Variants in BBOF1 observed in about 807,000 individuals in gnomAD.
The protein encoded by BBOF1 is basal body orientation factor 1.
In BBOF1, 62 loss-of-function variants were observed where a neutral mutation model predicts 68.0. The ratio of observed to expected loss-of-function variants is 0.91; its 90% CI spans 0.74 to 1.13. The LOEUF (loss-of-function observed/expected upper bound fraction) is 1.13, where lower values mean the gene tolerates loss of function less well. BBOF1 is among the 50% of genes most tolerant of loss of function. BBOF1 has a pLI of 0.00. For missense variants in BBOF1, 534 were observed against 600.1 expected, an observed-to-expected ratio of 0.89 and a Z score of 1.15; for synonymous variants, 208 against 198.8, an observed-to-expected ratio of 1.05 and a Z score of -0.39.
Position 74,064,938 on chromosome 14 carries a change from C to T in BBOF1, c.*239C>T, listed in dbSNP as rs376470740. 2.0e-4 allele frequency: 315 copies of T among 1,603,984 alleles called. No homozygotes were observed. Among genetic ancestry groups the T allele is most frequent in the East Asian group, 2.5e-4 (11 of 44,738 alleles). On this transcript the variant is annotated 3_prime_UTR_variant, in exon 12 of 12. Coordinates refer to ENST00000394009, the MANE Select transcript of BBOF1 (RefSeq NM_025057.3). ...ACTCCCACCTAAAACAGAACAAATC[C>T]GTGTCATATCCTAAGGACAAAGGAA...
Position 74,019,378 on chromosome 14 carries a change from G to C in BBOF1, c.-101G>C. The C allele has an allele frequency of 7.0e-7, 1 of 1,428,432 alleles. No homozygotes were observed. Among genetic ancestry groups the C allele is most frequent in the Non-Finnish European group, 9.2e-7 (1 of 1,081,938 alleles). 88.5% of individuals were successfully genotyped at this position (1,428,432 alleles called of 1,614,324 possible). A position where few individuals can be genotyped will look rare whatever the true frequency, so the allele number is the denominator to read the frequency against. The stretch of plus-strand genomic sequence containing the variant: ...TCCGCGCGCCGTCAGCGGCGCGGGT[G>C]GGGCATTGCCAGCTCGGCGTCCCGG... On this transcript the variant is annotated 5_prime_UTR_variant, in exon 1 of 12. Coordinates refer to ENST00000394009, the MANE Select transcript of BBOF1 (RefSeq NM_025057.3).
intron 3 of BBOF1, among the ~76,000 whole-genome samples, chr14:74,029,883 A>T (rs1310020654): frequency 6.6e-6 from 1 of 152,070 alleles, no homozygotes; most frequent in Non-Finnish European, 1.5e-5. Flanking sequence ...TACATGCAGG[A>T]ATATAGAATT....
intron 5 of BBOF1, among the ~76,000 whole-genome samples, chr14:74,044,623 G>A (rs1279731818): frequency 6.6e-6 from 1 of 151,672 alleles, no homozygotes; most frequent in Non-Finnish European, 1.5e-5. Flanking sequence ...CCACCATGCC[G>A]AATTAAAAAA....
intron 9 of BBOF1, among the ~76,000 whole-genome samples, chr14:74,077,777 A>G (rs1387529003): frequency 1.3e-5 from 2 of 152,150 alleles, no homozygotes; most frequent in African/African-American, 4.8e-5. Flanking sequence ...TATCCAAGCC[A>G]CAGCACCTGG....
intron 4 of BBOF1, among the ~76,000 whole-genome samples, chr14:74,034,527 A>T (rs2059651707): frequency 6.6e-6 from 1 of 152,236 alleles, no homozygotes. Context: ...AGGCTGATGA[A>T]TGATAGTTTT....
At chr14:74,021,170 G>A (rs1371098289) in intron 1 of BBOF1, among the ~76,000 whole-genome samples, 1 of 152,100 alleles carries the variant, frequency 6.6e-6, no homozygotes, top group African/African-American at 2.4e-5. Context: ...CATATATAAG[G>A]GGGAGTGTTT....
chr14:74,067,255 A>T (rs1194970117), downstream of BBOF1: 10 of 1,117,226 alleles, frequency 9.0e-6, 1 homozygote, highest in African/African-American at 3.1e-5. Flanking sequence ...TGACAAGTAC[A>T]GTATAAAGAG....
At chr14:74,054,678 C>CT (rs551602396) in intron 8 of BBOF1, among the ~76,000 whole-genome samples, 40,284 of 119,098 alleles carry the variant, frequency 0.34, 7,638 homozygotes, top group East Asian at 0.8. Context: ...CACCCAGGCT[C>CT]TTTTTTTTTT....
At position 74,046,081 on chromosome 14, in the gene BBOF1, G is replaced by A; in HGVS notation, c.598G>A (p.Glu200Lys). 1 of 1,608,672 alleles carries A rather than the reference G, an allele frequency of 6.2e-7. No homozygotes were observed. The highest frequency in any genetic ancestry group is 8.5e-7 in the Non-Finnish European group (1 of 1,177,512). Residue 200 changes from glutamate to lysine, a missense_variant, in exon 6 of 12, where the codon GAA becomes AAA. Coordinates refer to ENST00000394009, the MANE Select transcript of BBOF1 (RefSeq NM_025057.3). ...EEKHRLEQEAEKKIIMLAERA... is the reference protein window; with the variant it reads ...EEKHRLEQEAKKKIIMLAERA... ...TTAGCACCGACTAGAACAAGAGGCT[G>A]AAAAGAAGATAATAATGCTAGCAGA...
rs1326967698 is a variant in BBOF1, at chr14:74,064,774, A to G, written c.*75A>G. ...AGAATCCTTGCTCCTGAATATCTTT[A>G]AGAAAATTTCTTAAAGGAAAAGACA... On this transcript the variant is annotated 3_prime_UTR_variant, in exon 12 of 12. Coordinates refer to ENST00000394009, the MANE Select transcript of BBOF1 (RefSeq NM_025057.3). 2 of 1,611,842 alleles carry G rather than the reference A, an allele frequency of 1.2e-6. No homozygotes were observed. Among genetic ancestry groups the G allele is most frequent in the Non-Finnish European group, 1.7e-6 (2 of 1,177,890 alleles).
chr14:74,078,012 A>G (rs892093702), intron 9 of BBOF1, among the ~76,000 whole-genome samples: 3 of 152,226 alleles, frequency 2.0e-5, no homozygotes, highest in Non-Finnish European at 2.9e-5. Flanking sequence ...AAGCTGAGGC[A>G]GGAGGATCTC....
chr14:74,070,472 T>A (rs1444153921), downstream of BBOF1, among the ~76,000 whole-genome samples: 1 of 152,036 alleles, frequency 6.6e-6, no homozygotes, highest in Non-Finnish European at 1.5e-5. Context: ...TGAGCCGAGA[T>A]CGCACCACTG....
downstream of BBOF1, among the ~76,000 whole-genome samples, chr14:74,068,501 G>A (rs954447562): frequency 1.3e-5 from 2 of 152,220 alleles, no homozygotes; most frequent in Non-Finnish European, 2.9e-5. Flanking sequence ...AGCACTTTGG[G>A]AGGCCGAGGC....
intron 9 of BBOF1, among the ~76,000 whole-genome samples, chr14:74,074,372 C>T (rs1016961160): frequency 2.0e-5 from 3 of 151,624 alleles, no homozygotes; most frequent in Admixed American, 1.3e-4. Flanking sequence ...CTGCAACCTC[C>T]GCCTCCCGAA....
chr14:74,076,871 G>A (rs1251802801), intron 9 of BBOF1, among the ~76,000 whole-genome samples: 10 of 152,070 alleles, frequency 6.6e-5, no homozygotes, highest in African/African-American at 2.4e-4. Context: ...TATCAAAGTT[G>A]ATTTAAGAAA....
intron 2 of BBOF1, among the ~76,000 whole-genome samples, 153 bp from the exon 3 acceptor site, chr14:74,029,031 G>A (rs778640780): frequency 2.0e-5 from 3 of 152,136 alleles, no homozygotes; most frequent in Non-Finnish European, 4.4e-5. Context: ...CAGGTTGAAG[G>A]TATGGGAAAT....
intron 11 of BBOF1, chr14:74,060,277 G>GGCGT (rs2060311141): frequency 4.0e-6 from 1 of 248,342 alleles, no homozygotes; most frequent in African/African-American, 2.2e-5. Flanking sequence ...TGGAATTACA[G>GGCGT]GCGTGAGCCA....
intron 9 of BBOF1, among the ~76,000 whole-genome samples, chr14:74,056,344 G>T (rs75824542): frequency 2.6e-5 from 4 of 151,336 alleles, no homozygotes; most frequent in Admixed American, 6.6e-5. Context: ...GGATTACAGG[G>T]GCCACCACCA....
At chr14:74,077,324 A>C (rs1285841457) in intron 9 of BBOF1, among the ~76,000 whole-genome samples, 1 of 152,188 alleles carries the variant, frequency 6.6e-6, no homozygotes, top group Middle Eastern at 3.2e-3. Flanking sequence ...TTTCAGGCTT[A>C]TCTCTCTGTG....
Sources: allele counts gnomAD v4.1 joint callset (sites outside exome capture counted in the v4.1 genomes callset), GRCh38; gene constraint gnomAD v4.1.1; transcripts MANE v1.5; gene names NCBI Gene and HGNC (gene_info 2026-07-23, HGNC 2026-07-21).